CNTN5: variants seen among roughly 807,000 people sequenced by gnomAD.
CNTN5 encodes the protein contactin 5.
Under a neutral mutation model 129.1 loss-of-function variants are expected in CNTN5, and 77 were observed. That is an observed-to-expected ratio of 0.60 (90% CI 0.50 to 0.72). The LOEUF (loss-of-function observed/expected upper bound fraction) is 0.72. Among genes scored for constraint, CNTN5 ranks in the 30% least tolerant of loss-of-function variants. CNTN5 has a pLI of 0.00. For synonymous variants in CNTN5, 509 were observed against 465.6 expected (o/e 1.09, Z -1.20); for missense variants, 1,478 against 1,328.8 (o/e 1.11, Z -1.75).
At chr11:99,586,247 A>G (rs1409167585) in intron 3 of CNTN5, among the ~76,000 whole-genome samples, 1 of 152,146 alleles carries the variant, frequency 6.6e-6, no homozygotes, top group Admixed American at 6.5e-5. Flanking sequence ...CACAAGCTCA[A>G]TCAAATATAA....
intron 16 of CNTN5, among the ~76,000 whole-genome samples, chr11:100,239,020 T>A (rs1207378741): frequency 6.6e-6 from 1 of 152,236 alleles, no homozygotes; most frequent in East Asian, 1.9e-4. Flanking sequence ...CAGTTTGCTG[T>A]CATTAGGATG....
At chr11:100,107,157 G>C (rs541671214) in intron 13 of CNTN5, among the ~76,000 whole-genome samples, 3 of 152,192 alleles carry the variant, frequency 2.0e-5, no homozygotes, top group South Asian at 2.1e-4. Flanking sequence ...ACTAATAAAA[G>C]TATCCCCAAG....
chr11:100,140,443 T>G (rs1015911163), intron 13 of CNTN5, among the ~76,000 whole-genome samples: 1 of 152,164 alleles, frequency 6.6e-6, no homozygotes, highest in African/African-American at 2.4e-5. Flanking sequence ...GATAAATAGA[T>G]GGCAAAGGAC....
At chr11:99,366,492 G>A (rs868221097) in intron 2 of CNTN5, among the ~76,000 whole-genome samples, 2 of 152,118 alleles carry the variant, frequency 1.3e-5, no homozygotes, top group African/African-American at 4.8e-5. Context: ...GGTCTCCACT[G>A]ATATCAAAGA....
chr11:100,199,418 T>C (rs1479384625), intron 15 of CNTN5, among the ~76,000 whole-genome samples: 2 of 151,888 alleles, frequency 1.3e-5, no homozygotes, highest in African/African-American at 4.8e-5. Context: ...CATTTTCTAT[T>C]CCAACCTCCT....
At chr11:99,262,749 A>T (rs953177644) in intron 1 of CNTN5, among the ~76,000 whole-genome samples, 3 of 151,970 alleles carry the variant, frequency 2.0e-5, no homozygotes, top group Admixed American at 1.3e-4. Flanking sequence ...GGCCCCTCTT[A>T]ATTAAAAACG....
intron 13 of CNTN5, among the ~76,000 whole-genome samples, chr11:100,081,404 A>G (rs1290226623): frequency 6.6e-6 from 1 of 152,144 alleles, no homozygotes; most frequent in Non-Finnish European, 1.5e-5. Context: ...CAGCAGAGGA[A>G]AAATTTTACT....
At chr11:99,948,276 T>A (rs1473834371) in intron 7 of CNTN5, among the ~76,000 whole-genome samples, 1 of 152,210 alleles carries the variant, frequency 6.6e-6, no homozygotes, top group East Asian at 1.9e-4. Context: ...TGTGCAATAA[T>A]GAAGCTTTTA....
intron 23 of CNTN5, among the ~76,000 whole-genome samples, chr11:100,348,917 T>C (rs1293362939): frequency 6.6e-6 from 1 of 152,000 alleles, no homozygotes; most frequent in Non-Finnish European, 1.5e-5. Context: ...CCAGGAAGAC[T>C]GTAACCATGT....
intron 3 of CNTN5, among the ~76,000 whole-genome samples, chr11:99,622,035 T>C (rs1950967739): frequency 6.6e-6 from 1 of 152,184 alleles, no homozygotes. Context: ...CACATTTGGG[T>C]GGTTAATATC....
At chr11:99,046,922 C>T (rs1864234267) in intron 1 of CNTN5, among the ~76,000 whole-genome samples, 1 of 151,914 alleles carries the variant, frequency 6.6e-6, no homozygotes, top group Non-Finnish European at 1.5e-5. Flanking sequence ...CTTATTTTAT[C>T]TCAGAAATGA....
At chr11:99,901,343 T>G (rs1949352017) in intron 6 of CNTN5, among the ~76,000 whole-genome samples, 1 of 152,082 alleles carries the variant, frequency 6.6e-6, no homozygotes. Context: ...CAGGCTGGAG[T>G]GCAGCGGCAC....
chr11:100,026,751 A>C (rs1430293657), intron 9 of CNTN5, among the ~76,000 whole-genome samples: 3 of 152,046 alleles, frequency 2.0e-5, no homozygotes, highest in Non-Finnish European at 4.4e-5. Flanking sequence ...TTTAGTTTTA[A>C]GAGTCCCTTT....
chr11:99,394,423 C>G (rs1941416045), intron 2 of CNTN5, among the ~76,000 whole-genome samples: 1 of 151,520 alleles, frequency 6.6e-6, no homozygotes, highest in South Asian at 2.1e-4. Flanking sequence ...TAAACACTAG[C>G]TTAAAATTAT....
intron 9 of CNTN5, among the ~76,000 whole-genome samples, chr11:100,056,855 A>G (rs1049105372): frequency 1.3e-5 from 2 of 151,812 alleles, no homozygotes; most frequent in Non-Finnish European, 3.0e-5. Flanking sequence ...CATAGGAGGT[A>G]AACTGTTCTG....
At chr11:99,276,138 G>A (rs1485740954) in intron 1 of CNTN5, among the ~76,000 whole-genome samples, 1 of 151,484 alleles carries the variant, frequency 6.6e-6, no homozygotes, top group Non-Finnish European at 1.5e-5. Flanking sequence ...TATCTCATTG[G>A]GTGTGCTGTC....
intron 1 of CNTN5, among the ~76,000 whole-genome samples, chr11:99,128,952 G>A (rs898526594): frequency 2.0e-5 from 3 of 152,064 alleles, no homozygotes; most frequent in African/African-American, 7.2e-5. Flanking sequence ...AACCCTATCC[G>A]AAGATTGACA....
In CNTN5 at chr11:99,142,043, C is replaced by T. The variant is rs1172748989; in HGVS notation, c.-210+120773C>T. 6.6e-5 allele frequency among the ~76,000 whole-genome samples: 10 copies of T among 152,070 alleles called. No homozygotes were observed. In the South Asian group the frequency reaches 1.0e-3, roughly 16 times the overall value. On this transcript the variant is annotated intron_variant, in intron 1 of 24. Coordinates refer to ENST00000524871, the MANE Select transcript of CNTN5 (RefSeq NM_014361.4). Reference sequence around the variant, plus strand: ...GTCTGACTGTGCTATAATTGGGTTCCGTTGACTGGCTTTGCTTCTCGATGA... The same window carrying T: ...GTCTGACTGTGCTATAATTGGGTTCTGTTGACTGGCTTTGCTTCTCGATGA...
At chr11:99,036,778 G>T (rs1181757785) in intron 1 of CNTN5, among the ~76,000 whole-genome samples, 1 of 152,104 alleles carries the variant, frequency 6.6e-6, no homozygotes, top group Admixed American at 6.6e-5. Context: ...GGTTCTAAAA[G>T]AAAGTATGTT....
Sources: allele counts gnomAD v4.1 joint callset (sites outside exome capture counted in the v4.1 genomes callset), GRCh38; gene constraint gnomAD v4.1.1; transcripts MANE v1.5; gene names NCBI Gene and HGNC (gene_info 2026-07-23, HGNC 2026-07-21).